The following IGSF9B variants were observed in gnomAD, a reference collection of about 807,000 sequenced individuals.
IGSF9B encodes the protein protein turtle homolog B.
IGSF9B carries 48 observed loss-of-function variants against 143.7 expected under a neutral mutation model. That is an observed-to-expected ratio of 0.33 (90% CI 0.26 to 0.42). The LOEUF (loss-of-function observed/expected upper bound fraction) is 0.42. Ranked by LOEUF, IGSF9B falls within the 20% of genes least tolerant of loss-of-function variation. The pLI is 1.00. For missense variants in IGSF9B, 1,706 were observed against 1,980.0 expected (o/e 0.86, Z 2.63); for synonymous variants, 903 against 833.1 (o/e 1.08, Z -1.44).
chr11:133,952,185 A>G (rs1940173162), intron 1 of IGSF9B: 3 of 400,304 alleles, frequency 7.5e-6, no homozygotes, highest in South Asian at 3.5e-5. Context: ...GAAGATTCCC[A>G]AGAAAAATAG....
chr11:133,920,040 G>A lies in IGSF9B; in HGVS notation c.3685C>T (p.Leu1229=), dbSNP rs1939487130. The change falls in exon 18 of 20, where the codon CTG becomes TTG. Residue 1229 remains leucine (L), a synonymous_variant. Transcript: ENST00000533871. ...ATCTCTGACATCTCTGCCTGCTGCAGGAGGCCCGGGCGAGGCCGGGCACGG... is the reference window on the plus strand; with the variant it reads ...ATCTCTGACATCTCTGCCTGCTGCAAGAGGCCCGGGCGAGGCCGGGCACGG... The part of the protein sequence containing the change: ...AARARPRPGL[L]QQAEMSEITL... The A allele has an allele frequency of 1.3e-6, 2 of 1,571,894 alleles. No individual in the cohort carries two copies. Among genetic ancestry groups the A allele is most frequent in the African/African-American group, 1.4e-5 (1 of 73,094 alleles).
chr11:133,931,125 G>A lies in IGSF9B; in HGVS notation c.1378C>T (p.Pro460Ser). 1 of 1,612,450 alleles carries A rather than the reference G, an allele frequency of 6.2e-7. No individual in the cohort carries two copies. Among genetic ancestry groups the A allele is most frequent in the Non-Finnish European group, 8.5e-7 (1 of 1,179,064 alleles). Residue 460 changes from proline to serine, a missense_variant, in exon 11 of 20, where the codon CCC becomes TCC. Pro to Ser is a moderately conservative substitution (Grantham distance 74, BLOSUM62 -1). Around this residue, in one of 7 missense-constraint regions of IGSF9B, gnomAD observed 238 missense variants for 452.6 expected, o/e 0.53. Coordinates refer to ENST00000533871, the MANE Select transcript of IGSF9B (RefSeq NM_001277285.4). This position sits in a 1 kb window ranked among gnomAD's most constrained non-coding sequence, Gnocchi z 7.7. Reference sequence around the variant, plus strand: ...AGGGCACTGTGCTTGCTTCTGCTGGGCTTCCCTACCTTGGTGAACAAGGGG... The same window carrying A: ...AGGGCACTGTGCTTGCTTCTGCTGGACTTCCCTACCTTGGTGAACAAGGGG... ...PVITWRKVGK[P>S]SRSKHSALPS... is the part of the protein sequence containing the mutation.
intron 18 of IGSF9B, among the ~76,000 whole-genome samples, chr11:133,917,594 G>A (rs991351239): frequency 1.3e-5 from 2 of 152,132 alleles, no homozygotes; most frequent in East Asian, 3.9e-4. Flanking sequence ...TGACTACCAA[G>A]GTCAGGCTGC....
At chr11:133,951,700 A>C (rs1940161478) in intron 1 of IGSF9B, among the ~76,000 whole-genome samples, 1 of 151,618 alleles carries the variant, frequency 6.6e-6, no homozygotes, top group Non-Finnish European at 1.5e-5. Flanking sequence ...CCCTCTCCCC[A>C]CCTGGGCAGA....
In IGSF9B at chr11:133,920,438, G is replaced by T; in HGVS notation, c.3287C>A (p.Ser1096Tyr). The T allele has an allele frequency of 6.3e-7, 1 of 1,576,022 alleles. No individual in the cohort carries two copies. Among genetic ancestry groups the T allele is most frequent in the Admixed American group, 1.8e-5 (1 of 54,780 alleles). The change falls in exon 18 of 20, where the codon TCT becomes TAT. Residue 1096 changes from serine (S) to tyrosine (Y), a missense_variant. Coordinates refer to ENST00000533871, the MANE Select transcript of IGSF9B (RefSeq NM_001277285.4). Reference sequence around the variant, plus strand: ...TGCCCAACCCTTCGGTGCCTCCAGAGACAGGATGCCCGGGTAGGCCGCGGG... The same window carrying T: ...TGCCCAACCCTTCGGTGCCTCCAGATACAGGATGCCCGGGTAGGCCGCGGG... ...QVPAAYPGIL[S>Y]LEAPKGWAGK...
At chr11:133,922,431 G>T in intron 16 of IGSF9B, 138 bp downstream of exon 16, 2 of 992,770 alleles carry the variant, frequency 2.0e-6, no homozygotes, top group African/African-American at 1.6e-5. Flanking sequence ...TTCAAATCAA[G>T]TCTCACTGGC....
intron 11 of IGSF9B, among the ~76,000 whole-genome samples, chr11:133,930,325 T>C (rs978205389): frequency 3.3e-5 from 5 of 152,034 alleles, no homozygotes; most frequent in African/African-American, 1.2e-4. Context: ...TCGAGGAACC[T>C]ACACTAGAGA....
intron 15 of IGSF9B, among the ~76,000 whole-genome samples, chr11:133,923,659 A>T (rs1223597967): frequency 2.6e-5 from 4 of 152,262 alleles, no homozygotes; most frequent in Non-Finnish European, 5.9e-5. Flanking sequence ...AATAATCCAG[A>T]TGATGCTGAT....
At chr11:133,942,110 C>T (rs1480574780) in intron 3 of IGSF9B, among the ~76,000 whole-genome samples, 6 of 152,288 alleles carry the variant, frequency 3.9e-5, no homozygotes, top group Non-Finnish European at 7.3e-5. Flanking sequence ...CTACACCTTC[C>T]GGCCTGATAT....
Position 133,945,494 on chromosome 11 carries a change from C to T in IGSF9B, c.262+567G>A, listed in dbSNP as rs1167374261. ...CACGCACACACACACCCACGCCCTC[C>T]TCTCCCGCGGGCTGGGGGGCAGGCA... is the stretch of plus-strand genomic sequence containing the variant. On this transcript the variant is annotated intron_variant, in intron 2 of 19. Coordinates refer to ENST00000533871, the MANE Select transcript of IGSF9B (RefSeq NM_001277285.4). This position sits in a 1 kb window ranked among gnomAD's most constrained non-coding sequence, Gnocchi z 4.6. Among the ~76,000 whole-genome samples the T allele has an allele frequency of 1.2e-4, 19 of 152,186 alleles. No homozygotes were observed. The highest frequency in any genetic ancestry group is 5.9e-5 in the Non-Finnish European group (4 of 68,044).
rs1163418399 is a variant in IGSF9B, at chr11:133,911,938, T to C, written c.4053A>G (p.Ile1351Met). 6.5e-7 allele frequency: 1 copy of C among 1,535,024 alleles called. No homozygotes were observed. Among genetic ancestry groups the C allele is most frequent in the Admixed American group, 2.0e-5 (1 of 50,712 alleles). ...CCTTGGATGACTTTTTGGGCTTCTT[T>C]ATCCGTTGGTATTTCAGAGCCTCCA... is the stretch of plus-strand genomic sequence containing the variant. ...ERLEALKYQR[I>M]KKPKKSSKGS... The change falls in exon 19 of 20, where the codon ATA becomes ATG. Residue 1351 changes from isoleucine to methionine, a missense_variant. Coordinates refer to ENST00000533871, the MANE Select transcript of IGSF9B (RefSeq NM_001277285.4).
Position 133,901,832 on chromosome 11 carries a change from A to ACACACACACAC in IGSF9B, c.*7226_*7236dup, listed in dbSNP as rs1464263406. The stretch of plus-strand genomic sequence containing the variant: ...CAGACACACCACACCACACACACAA[A>ACACACACACAC]CACACACACACCACACACGCACCAC... On this transcript the variant is annotated 3_prime_UTR_variant, in exon 20 of 20. Coordinates refer to ENST00000533871, the MANE Select transcript of IGSF9B (RefSeq NM_001277285.4). Among the ~76,000 whole-genome samples, 75 of 144,594 alleles carry ACACACACACAC rather than the reference A, an allele frequency of 5.2e-4. 1 individual carries two copies. The highest frequency in any genetic ancestry group is 1.5e-3 in the African/African-American group (59 of 38,526). The allele number at this position is 144,594 out of a possible 152,430, so 94.9% of individuals were successfully genotyped here. A position where few individuals can be genotyped will look rare whatever the true frequency, so the allele number is the denominator to read the frequency against.
rs1011440439 is a variant in IGSF9B at position 133,908,059 on chromosome 11, G to A, written c.*1010C>T. Among the ~76,000 whole-genome samples, 1 of 152,248 alleles carries A rather than the reference G, an allele frequency of 6.6e-6. No individual in the cohort carries two copies. The highest frequency in any genetic ancestry group is 1.5e-5 in the Non-Finnish European group (1 of 68,048). On this transcript the variant is annotated 3_prime_UTR_variant, in exon 20 of 20. Coordinates refer to ENST00000533871, the MANE Select transcript of IGSF9B (RefSeq NM_001277285.4). ...GCCGGGGACGGTATAAATAGAGCCG[G>A]CAGCTTGGCGCTAGCACAGGTGGCT...
In IGSF9B at chr11:133,916,473, CCAGCAGCCG is replaced by C. The variant is rs1939384703; in HGVS notation, c.3983+3260_3983+3268del. Reference sequence around the variant, plus strand: ...AACAGAGCCTGCATCTCCCCAGGACCCAGCAGCCGTACCGGGGAGGCTCCCAGCAGGCAG... The same window carrying C: ...AACAGAGCCTGCATCTCCCCAGGACCTACCGGGGAGGCTCCCAGCAGGCAG... On this transcript the variant is annotated intron_variant, in intron 18 of 19. Transcript: ENST00000533871. Among the ~76,000 whole-genome samples the C allele has an allele frequency of 2.0e-5, 3 of 152,274 alleles. No individual in the cohort carries two copies. In the South Asian group the frequency reaches 6.2e-4, roughly 32 times the overall value.
chr11:133,942,193 T>A (rs1415469161), intron 3 of IGSF9B, among the ~76,000 whole-genome samples: 1 of 152,130 alleles, frequency 6.6e-6, no homozygotes, highest in Non-Finnish European at 1.5e-5. Flanking sequence ...ATCTCACACA[T>A]AATTACCCAC....
rs762848879 is a variant in IGSF9B at position 133,937,505 on chromosome 11, A to G, written c.562-12T>C. 6.2e-6 allele frequency: 10 copies of G among 1,605,582 alleles called. No individual in the cohort carries two copies. Among genetic ancestry groups the G allele is most frequent in the Non-Finnish European group, 7.7e-6 (9 of 1,173,202 alleles). ...CTGCCGTCACTCACCTGGGAGCCCA[A>G]AACAGAGGGAGCTCAGCACCCACGC... On this transcript the variant is annotated splice_polypyrimidine_tract_variant and intron_variant, in intron 4 of 19. Transcript: ENST00000533871.
At chr11:133,935,156 G>A (rs1461327549) in intron 7 of IGSF9B, among the ~76,000 whole-genome samples, 1 of 152,228 alleles carries the variant, frequency 6.6e-6, no homozygotes, top group Non-Finnish European at 1.5e-5. Flanking sequence ...AGGAGCTGGA[G>A]CACATCGCCC....
At chr11:133,950,198 C>G (rs1591727301) in intron 1 of IGSF9B, among the ~76,000 whole-genome samples, 1 of 152,194 alleles carries the variant, frequency 6.6e-6, no homozygotes, top group Admixed American at 6.5e-5. Flanking sequence ...CAACCCGGAG[C>G]TCCTCCGCCG....
At chr11:133,914,288 G>C (rs1939344480) in intron 18 of IGSF9B, among the ~76,000 whole-genome samples, 1 of 152,148 alleles carries the variant, frequency 6.6e-6, no homozygotes, top group Non-Finnish European at 1.5e-5. Context: ...TCGTGGGAAA[G>C]AGCCAAGACT....
Sources: allele counts gnomAD v4.1 joint callset (sites outside exome capture counted in the v4.1 genomes callset), GRCh38; gene constraint gnomAD v4.1.1; regional missense constraint gnomAD v4.1.1; non-coding constraint Gnocchi (gnomAD v3.1); transcripts MANE v1.5; gene names NCBI Gene and HGNC (gene_info 2026-07-23, HGNC 2026-07-21).